Variants in LY75 observed in about 807,000 individuals in gnomAD.
LY75 encodes the protein C-type lectin domain family 13 member B.
LY75 carries 185 observed loss-of-function variants against 231.7 expected under a neutral mutation model. The ratio of observed to expected loss-of-function variants is 0.80; its 90% CI spans 0.71 to 0.90. LY75 has a LOEUF of 0.90. Among genes scored for constraint, LY75 ranks in the 40% least tolerant of loss-of-function variants. The probability of loss-of-function intolerance (pLI) is 0.00; values close to 1 mark genes in which losing one functional copy is unlikely to be tolerated. For synonymous variants in LY75, 668 were observed against 689.0 expected (o/e 0.97, Z 0.48); for missense variants, 1,947 against 2,050.2 (o/e 0.95, Z 0.97).
intron 29 of LY75, 118 bp from the exon 30 acceptor site, chr2:159,817,150 G>C (rs1336748977): frequency 1.8e-6 from 2 of 1,093,770 alleles, no homozygotes; most frequent in African/African-American, 3.2e-5. Flanking sequence ...TATTAATAAG[G>C]GAGGTCAAAT....
intron 30 of LY75, 80 bp downstream of exon 30, chr2:159,816,726 G>A (rs1245264633): frequency 1.9e-6 from 3 of 1,570,128 alleles, no homozygotes; most frequent in Non-Finnish European, 2.6e-6. Context: ...GTTGTACTTT[G>A]TGTTAATACT....
intron 2 of LY75, 131 bp downstream of exon 2, chr2:159,898,557 T>G (rs1029420259): frequency 2.8e-6 from 4 of 1,415,198 alleles, no homozygotes; most frequent in Admixed American, 2.3e-5. Flanking sequence ...AACTGCACAG[T>G]GCCTGGAAGT....
intron 13 of LY75, among the ~76,000 whole-genome samples, chr2:159,868,528 G>C (rs1011936633): frequency 2.0e-5 from 3 of 152,094 alleles, no homozygotes; most frequent in African/African-American, 7.2e-5. Flanking sequence ...TAATGAACTT[G>C]TATTAATTTT....
chr2:159,853,718 C>A (rs754068832), intron 18 of LY75, 21 bp from the exon 19 acceptor site: 2 of 1,612,972 alleles, frequency 1.2e-6, no homozygotes, highest in South Asian at 1.1e-5. Context: ...AGCCAAACAT[C>A]CATCCTTATA....
intron 25 of LY75, 27 bp from the exon 26 acceptor site, chr2:159,835,672 GT>G: frequency 6.2e-7 from 1 of 1,606,686 alleles, no homozygotes; most frequent in Admixed American, 1.7e-5. Flanking sequence ...TACATTTCAG[GT>G]GGCAATATTG....
intron 12 of LY75, among the ~76,000 whole-genome samples, chr2:159,874,869 T>C (rs1685202791): frequency 7.6e-6 from 1 of 132,362 alleles, no homozygotes; most frequent in Non-Finnish European, 1.6e-5. Context: ...ATTTTGTAAA[T>C]ATATATACAT....
At chr2:159,904,248 A>C (rs1686166562) in intron 1 of LY75, among the ~76,000 whole-genome samples, 1 of 152,120 alleles carries the variant, frequency 6.6e-6, no homozygotes, top group Non-Finnish European at 1.5e-5. Flanking sequence ...GGAACCCCAT[A>C]CTCCAGCAAC....
intron 23 of LY75, among the ~76,000 whole-genome samples, chr2:159,848,093 T>TATACACAC: frequency 3.5e-5 from 1 of 28,556 alleles, no homozygotes. Context: ...TATATATATA[T>TATACACAC]ACACACACAC....
intron 26 of LY75, among the ~76,000 whole-genome samples, chr2:159,834,749 C>T (rs753324289): frequency 6.6e-6 from 1 of 152,198 alleles, no homozygotes; most frequent in Admixed American, 6.5e-5. Context: ...AAAGGCCATA[C>T]ATTCACAAAG....
chr2:159,819,553 C>G (rs151130448), intron 29 of LY75, among the ~76,000 whole-genome samples, 173 bp downstream of exon 29: 4 of 152,304 alleles, frequency 2.6e-5, no homozygotes, highest in African/African-American at 9.6e-5. Context: ...TCCTTAGGGT[C>G]AAAACCTTGA....
chr2:159,834,040 T>C lies in LY75; in HGVS notation c.3841+4A>G. 3.1e-6 allele frequency: 5 copies of C among 1,613,006 alleles called. No individual in the cohort carries two copies. Among genetic ancestry groups the C allele is most frequent in the Non-Finnish European group, 4.2e-6 (5 of 1,179,656 alleles). ...ACATGAGAATGGACTAATATAATACTTACTCAGTTTCTGGCATTTAGTATG... is the reference window on the plus strand; with the variant it reads ...ACATGAGAATGGACTAATATAATACCTACTCAGTTTCTGGCATTTAGTATG... On this transcript the variant is annotated splice_donor_region_variant and intron_variant, in intron 27 of 34. Coordinates refer to ENST00000263636, the MANE Select transcript of LY75 (RefSeq NM_002349.4).
chr2:159,888,170 G>T (rs944894205), intron 4 of LY75, among the ~76,000 whole-genome samples: 1 of 152,186 alleles, frequency 6.6e-6, no homozygotes, highest in African/African-American at 2.4e-5. Context: ...CAAAAGACCT[G>T]TGGCCTTTTA....
At chr2:159,897,514 G>A in intron 2 of LY75, among the ~76,000 whole-genome samples, 1 of 152,118 alleles carries the variant, frequency 6.6e-6, no homozygotes, top group Non-Finnish European at 1.5e-5. Flanking sequence ...CTCCACAACA[G>A]AACTTGACAT....
intron 28 of LY75, among the ~76,000 whole-genome samples, chr2:159,830,517 G>T (rs1370323819): frequency 1.3e-5 from 2 of 151,524 alleles, no homozygotes; most frequent in Admixed American, 6.6e-5. Context: ...TCATATTTTG[G>T]ATTGGTGGTA....
rs568349314 is a variant in LY75 at position 159,896,142 on chromosome 2, C to T, written c.467-2058G>A. Among the ~76,000 whole-genome samples the T allele has an allele frequency of 9.2e-5, 14 of 152,314 alleles. No homozygotes were observed. In the East Asian group the frequency reaches 2.3e-3, roughly 25 times the overall value. On this transcript the variant is annotated intron_variant, in intron 2 of 34. Transcript: ENST00000263636. ...AGGCTTCTAAGAGTTGCCCAGAATT[C>T]TGATAGTTCTGCAGCCACCCTGCCA...
At chr2:159,807,740 T>C (rs1288739729) in intron 33 of LY75, 1 of 949,096 alleles carries the variant, frequency 1.1e-6, no homozygotes, top group South Asian at 4.9e-5. Flanking sequence ...ATTCACATTT[T>C]AATAATTTAA....
chr2:159,826,963 A>G (rs1408015568), intron 28 of LY75, among the ~76,000 whole-genome samples: 1 of 152,196 alleles, frequency 6.6e-6, no homozygotes, highest in African/African-American at 2.4e-5. Context: ...TAAACTCAAG[A>G]TGGATCAAAG....
intron 24 of LY75, 58 bp downstream of exon 24, chr2:159,842,187 C>CA (rs1684053736): frequency 7.2e-7 from 1 of 1,383,016 alleles, no homozygotes; most frequent in African/African-American, 1.6e-5. Context: ...CTCTCTCTCT[C>CA]TATATATATA....
chr2:159,833,827 G>A (rs758040583), intron 27 of LY75, among the ~76,000 whole-genome samples: 1 of 152,146 alleles, frequency 6.6e-6, no homozygotes, highest in African/African-American at 2.4e-5. Flanking sequence ...AGTCTTATGA[G>A]ATCTGATGGT....
Sources: gnomAD v4.1 joint callset for allele counts (sites outside exome capture counted in the v4.1 genomes callset) on GRCh38, gnomAD v4.1.1 for gene constraint, MANE v1.5 for transcripts, NCBI Gene and HGNC (gene_info 2026-07-23, HGNC 2026-07-21) for gene names.